Variants in SHISA9 observed in about 807,000 individuals in gnomAD.
The protein encoded by SHISA9 is shisa family member 9, also known as protein shisa-9.
A neutral mutation model predicts 38.0 loss-of-function variants in SHISA9; 13 were observed. The observed-to-expected ratio is 0.34, with a 90% CI of 0.22 to 0.54. The LOEUF (loss-of-function observed/expected upper bound fraction) is 0.54, where lower values mean the gene tolerates loss of function less well. Among genes scored for constraint, SHISA9 ranks in the 20% least tolerant of loss-of-function variants. SHISA9 has a pLI of 0.91. For synonymous variants in SHISA9, 275 were observed against 242.0 expected, an observed-to-expected ratio of 1.14 and a Z score of -1.27; for missense variants, 538 against 575.8, an observed-to-expected ratio of 0.93 and a Z score of 0.67.
At chr16:12,922,033 T>A (rs1470778953) in intron 2 of SHISA9, among the ~76,000 whole-genome samples, 2 of 152,192 alleles carry the variant, frequency 1.3e-5, no homozygotes, top group Non-Finnish European at 2.9e-5. Flanking sequence ...AGCTACTTAG[T>A]GGTGACACTG....
intron 4 of SHISA9, among the ~76,000 whole-genome samples, chr16:13,221,903 C>T (rs1394642800): frequency 6.6e-6 from 1 of 152,038 alleles, no homozygotes; most frequent in African/African-American, 2.4e-5. Flanking sequence ...TGTGATAGAC[C>T]TGTATTAGTT....
Position 13,235,587 on chromosome 16 carries a change from A to G in SHISA9, c.*178A>G, listed in dbSNP as rs2051375601. ...CGCGCTTTTCCTAGGTCATGCCTGT[A>G]ACGTGTCGGCGGGCAGCTGAGAAAG... On this transcript the variant is annotated 3_prime_UTR_variant, in exon 5 of 5. Coordinates refer to ENST00000558583, the MANE Select transcript of SHISA9 (RefSeq NM_001145204.3). 2.6e-6 allele frequency: 2 copies of G among 782,386 alleles called. No homozygotes were observed. The highest frequency in any genetic ancestry group is 3.9e-6 in the Non-Finnish European group (2 of 512,888). 48.5% of individuals were successfully genotyped at this position (782,386 alleles called of 1,614,324 possible).
At chr16:13,387,936 A>C in the SHISA9 span, among the ~76,000 whole-genome samples, 1 of 152,118 alleles carries the variant, frequency 6.6e-6, no homozygotes, top group Non-Finnish European at 1.5e-5. Context: ...CCTAGAAAAA[A>C]AAAAGACATG....
chr16:13,260,784 C>T, the SHISA9 span, among the ~76,000 whole-genome samples: 2 of 152,144 alleles, frequency 1.3e-5, no homozygotes, highest in African/African-American at 4.8e-5. Context: ...TTTTCAGCAG[C>T]GCCCCCCTTT....
At chr16:13,324,020 G>C in the SHISA9 span, among the ~76,000 whole-genome samples, 1 of 152,066 alleles carries the variant, frequency 6.6e-6, no homozygotes, top group Non-Finnish European at 1.5e-5. Flanking sequence ...TGTAAGAGCT[G>C]GGTGTTTAAA....
intron 1 of SHISA9, chr16:12,902,854 G>GTGTT: frequency 1.8e-6 from 1 of 549,298 alleles, no homozygotes; most frequent in Non-Finnish European, 3.2e-6. Flanking sequence ...GTGAGCGTGT[G>GTGTT]TGTGTGTGTG....
chr16:13,150,779 C>G (rs1441950730), intron 2 of SHISA9, among the ~76,000 whole-genome samples: 2 of 152,212 alleles, frequency 1.3e-5, no homozygotes, highest in South Asian at 2.1e-4. Context: ...TATATTAACC[C>G]TTGATTTACT....
the SHISA9 span, among the ~76,000 whole-genome samples, chr16:13,255,250 C>G: frequency 2.0e-5 from 3 of 151,968 alleles, no homozygotes; most frequent in Non-Finnish European, 4.4e-5. Flanking sequence ...CTTTCTGTCT[C>G]TCTCTCTCCC....
intron 2 of SHISA9, among the ~76,000 whole-genome samples, chr16:12,981,614 G>A (rs1596563301): frequency 6.6e-6 from 1 of 152,262 alleles, no homozygotes; most frequent in East Asian, 1.9e-4. Flanking sequence ...CAGAGAACTG[G>A]CCATCTCGAT....
At chr16:13,001,882 A>C (rs35029919) in intron 2 of SHISA9, among the ~76,000 whole-genome samples, 30,743 of 152,124 alleles carry the variant, frequency 0.2, 3,722 homozygotes, top group Middle Eastern at 0.33. Flanking sequence ...AGGGTAGATG[A>C]ATAAATAGGT....
chr16:13,214,050 A>G (rs1175755112), intron 4 of SHISA9, among the ~76,000 whole-genome samples: 1 of 152,222 alleles, frequency 6.6e-6, no homozygotes, highest in Non-Finnish European at 1.5e-5. Context: ...TTGAACCTCT[A>G]TCAGTCTGAC....
intron 2 of SHISA9, among the ~76,000 whole-genome samples, chr16:13,021,134 C>G (rs1277154121): frequency 6.6e-6 from 1 of 152,186 alleles, no homozygotes; most frequent in African/African-American, 2.4e-5. Flanking sequence ...AGTGCTAGAC[C>G]TCTCTCGAAG....
intron 2 of SHISA9, among the ~76,000 whole-genome samples, chr16:13,095,566 C>G (rs1426903573): frequency 6.6e-6 from 1 of 152,210 alleles, no homozygotes; most frequent in East Asian, 1.9e-4. Flanking sequence ...ATAATATTTG[C>G]CACATATGAA....
At chr16:13,116,420 G>A (rs937530902) in intron 2 of SHISA9, among the ~76,000 whole-genome samples, 5 of 152,222 alleles carry the variant, frequency 3.3e-5, no homozygotes, top group Non-Finnish European at 2.9e-5. Context: ...GTATGGCAGA[G>A]TGACATTGCT....
At chr16:13,114,194 T>C (rs956966729) in intron 2 of SHISA9, among the ~76,000 whole-genome samples, 36 of 151,954 alleles carry the variant, frequency 2.4e-4, no homozygotes, top group African/African-American at 6.0e-4. Flanking sequence ...AGGCTGGGCG[T>C]GGTGGCTCAC....
the SHISA9 span, among the ~76,000 whole-genome samples, chr16:13,360,996 C>A: frequency 6.6e-6 from 1 of 152,212 alleles, no homozygotes; most frequent in Non-Finnish European, 1.5e-5. Flanking sequence ...TTGGAGATAA[C>A]CTCTCAAATA....
In SHISA9 at chr16:12,929,578, G is replaced by A. The variant is rs2071437201; in HGVS notation, c.691+12763G>A. 4.6e-5 allele frequency among the ~76,000 whole-genome samples: 7 copies of A among 151,846 alleles called. No homozygotes were observed. The South Asian group carries it at 1.5e-3, about 32-fold the overall frequency. On this transcript the variant is annotated intron_variant, in intron 2 of 4. Coordinates refer to ENST00000558583, the MANE Select transcript of SHISA9 (RefSeq NM_001145204.3). ...ACTGCATGTTCTTACTTATAAGTGG[G>A]AGCTGAATGATGAGAACACATGGAC...
chr16:13,167,064 TC>T (rs1390186395), intron 2 of SHISA9, among the ~76,000 whole-genome samples: 155 of 105,648 alleles, frequency 1.5e-3, no homozygotes, highest in African/African-American at 4.8e-3. Flanking sequence ...TCTCTCTCTC[TC>T]TTTTTTCTTT....
chr16:13,033,260 T>A (rs1287968471), intron 2 of SHISA9, among the ~76,000 whole-genome samples: 1 of 152,142 alleles, frequency 6.6e-6, no homozygotes, highest in Non-Finnish European at 1.5e-5. Context: ...AATGGACTGA[T>A]GACCTGGACT....
Sources: gnomAD v4.1 joint callset for allele counts (sites outside exome capture counted in the v4.1 genomes callset) on GRCh38, gnomAD v4.1.1 for gene constraint, MANE v1.5 for transcripts, NCBI Gene and HGNC (gene_info 2026-07-23, HGNC 2026-07-21) for gene names.